STPG2: variants seen among roughly 807,000 people sequenced by gnomAD.
STPG2 encodes sperm-tail PG-rich repeat-containing protein 2.
In STPG2, 56 loss-of-function variants were observed where a neutral mutation model predicts 54.2. The ratio of observed to expected loss-of-function variants is 1.03; its 90% CI spans 0.83 to 1.29. STPG2 has a LOEUF of 1.29. Ranked by LOEUF, STPG2 falls within the 50% of genes most tolerant of loss-of-function variation. The pLI is 0.00. For synonymous variants in STPG2, 200 were observed against 181.8 expected, an observed-to-expected ratio of 1.10 and a Z score of -0.81; for missense variants, 596 against 544.9, an observed-to-expected ratio of 1.09 and a Z score of -0.93.
chr4:97,837,064 A>G (rs1405236319), intron 9 of STPG2, among the ~76,000 whole-genome samples: 4 of 151,668 alleles, frequency 2.6e-5, no homozygotes, highest in Non-Finnish European at 4.4e-5. Flanking sequence ...GTTTAAAAAA[A>G]CCATATAACA....
At chr4:97,735,464 G>T (rs957730943) in intron 9 of STPG2, among the ~76,000 whole-genome samples, 6 of 151,198 alleles carry the variant, frequency 4.0e-5, no homozygotes, top group Admixed American at 2.6e-4. Flanking sequence ...CACTATTCAG[G>T]TGACAGATGC....
At chr4:97,726,193 GA>G (rs1468260579) in intron 9 of STPG2, among the ~76,000 whole-genome samples, 1 of 151,860 alleles carries the variant, frequency 6.6e-6, no homozygotes. Flanking sequence ...ATCAACTCAA[GA>G]AAAAAGTAGA....
chr4:97,491,392 TCAAA>T (rs1454038654), intron 4 of STPG2, among the ~76,000 whole-genome samples: 1 of 151,546 alleles, frequency 6.6e-6, no homozygotes, highest in Non-Finnish European at 1.5e-5. Context: ...TTTAAAGTTA[TCAAA>T]CATTTATTTG....
intron 9 of STPG2, among the ~76,000 whole-genome samples, chr4:97,801,594 T>C (rs1284770292): frequency 1.3e-5 from 2 of 152,208 alleles, no homozygotes; most frequent in African/African-American, 4.8e-5. Flanking sequence ...GGCTGGGTGC[T>C]GTTCAGAAAT....
chr4:97,736,997 C>G (rs1725024409), intron 9 of STPG2, among the ~76,000 whole-genome samples: 1 of 152,138 alleles, frequency 6.6e-6, no homozygotes, highest in Non-Finnish European at 1.5e-5. Context: ...CGGCCGGGTA[C>G]TCCTCTGAGA....
intron 5 of STPG2, among the ~76,000 whole-genome samples, chr4:98,016,067 G>C (rs942211926): frequency 3.9e-5 from 6 of 152,174 alleles, no homozygotes; most frequent in African/African-American, 1.4e-4. Flanking sequence ...GGGGGTGGAA[G>C]GCTAGGGGAG....
intron 9 of STPG2, among the ~76,000 whole-genome samples, chr4:97,803,478 A>G (rs984349091): frequency 2.6e-5 from 4 of 152,174 alleles, no homozygotes; most frequent in African/African-American, 9.7e-5. Context: ...GGGAGGATCT[A>G]TTCCAAGCAG....
downstream of STPG2, among the ~76,000 whole-genome samples, chr4:97,554,974 G>A (rs1288937493): frequency 1.3e-5 from 2 of 152,084 alleles, no homozygotes; most frequent in African/African-American, 4.8e-5. Flanking sequence ...CACAAAAGAA[G>A]CTCTGAAAAG....
intron 2 of STPG2, among the ~76,000 whole-genome samples, chr4:98,132,567 C>T (rs1401858030): frequency 1.3e-5 from 2 of 151,848 alleles, no homozygotes; most frequent in Non-Finnish European, 2.9e-5. Flanking sequence ...AAACGTTTCT[C>T]CCGGTTTTGT....
chr4:97,979,732 T>G (rs1404131042), intron 6 of STPG2, among the ~76,000 whole-genome samples: 1 of 151,484 alleles, frequency 6.6e-6, no homozygotes, highest in Non-Finnish European at 1.5e-5. Flanking sequence ...CAATTTCTTT[T>G]TTTTTTTTTT....
At chr4:97,688,672 T>A (rs1177277303) in intron 10 of STPG2, among the ~76,000 whole-genome samples, 1 of 152,186 alleles carries the variant, frequency 6.6e-6, no homozygotes, top group African/African-American at 2.4e-5. Flanking sequence ...TCAGATTATG[T>A]CAAAAGTTCA....
chr4:98,137,989 C>A (rs892315813), intron 1 of STPG2, among the ~76,000 whole-genome samples: 3 of 151,908 alleles, frequency 2.0e-5, no homozygotes, highest in Admixed American at 6.6e-5. Flanking sequence ...AAGGAACTTA[C>A]CTGTTTATTT....
chr4:98,025,798 G>A lies in STPG2; in HGVS notation c.613-44480C>T, dbSNP rs562473975. ...ACAATGTGGAAAGCATTGATGGTCC[G>A]CCGGGTGCCTTTACCTGCTATTTGG... On this transcript the variant is annotated intron_variant, in intron 5 of 10. Coordinates refer to ENST00000295268, the MANE Select transcript of STPG2 (RefSeq NM_174952.3). The A allele has an allele frequency of 3.6e-4, 573 of 1,579,200 alleles. 7 individuals are homozygous for A. The South Asian group carries it at 5.9e-3, about 16-fold the overall frequency.
At chr4:97,632,466 A>C (rs1721321633) in intron 10 of STPG2, among the ~76,000 whole-genome samples, 1 of 152,128 alleles carries the variant, frequency 6.6e-6, no homozygotes, top group Admixed American at 6.5e-5. Flanking sequence ...ATAATGTGAG[A>C]AGAAATTCTA....
intron 4 of STPG2, among the ~76,000 whole-genome samples, chr4:97,445,390 A>G (rs951691505): frequency 1.3e-5 from 2 of 152,202 alleles, no homozygotes; most frequent in African/African-American, 4.8e-5. Flanking sequence ...TGTCTAATAG[A>G]ACTATAATTT....
At chr4:97,708,254 T>C (rs1386779302) in intron 10 of STPG2, among the ~76,000 whole-genome samples, 5 of 151,510 alleles carry the variant, frequency 3.3e-5, no homozygotes, top group South Asian at 2.1e-4. Flanking sequence ...AAAAATAAAA[T>C]CTAAAAAAAT....
At chr4:97,646,181 A>C (rs540187123) in intron 10 of STPG2, among the ~76,000 whole-genome samples, 8 of 152,276 alleles carry the variant, frequency 5.3e-5, no homozygotes, top group African/African-American at 1.9e-4. Context: ...AGAGTCCTTG[A>C]AGTTCTATGA....
intron 4 of STPG2, among the ~76,000 whole-genome samples, chr4:97,466,262 G>A (rs947995349): frequency 6.6e-6 from 1 of 151,956 alleles, no homozygotes; most frequent in African/African-American, 2.4e-5. Flanking sequence ...TGTTTATACA[G>A]CCTTTCTGAG....
At chr4:97,905,494 G>A (rs1731371604) in intron 8 of STPG2, among the ~76,000 whole-genome samples, 2 of 152,108 alleles carry the variant, frequency 1.3e-5, no homozygotes, top group Non-Finnish European at 2.9e-5. Context: ...ACCAGCCACT[G>A]CAAAATCATG....
Sources: gnomAD v4.1 joint callset for allele counts (sites outside exome capture counted in the v4.1 genomes callset) on GRCh38, gnomAD v4.1.1 for gene constraint, MANE v1.5 for transcripts, NCBI Gene and HGNC (gene_info 2026-07-23, HGNC 2026-07-21) for gene names.